SLCO1B1: variants seen among roughly 807,000 people sequenced by gnomAD.
The protein encoded by SLCO1B1 is OATP-2.
Under a neutral mutation model 70.1 loss-of-function variants are expected in SLCO1B1, and 81 were observed. The ratio of observed to expected loss-of-function variants is 1.16; its 90% confidence interval spans 0.97 to 1.39. SLCO1B1 has a LOEUF of 1.39. Among genes scored for constraint, SLCO1B1 ranks in the 40% most tolerant of loss-of-function variants. SLCO1B1 has a pLI of 0.00. For missense variants in SLCO1B1, 895 were observed against 799.6 expected (o/e 1.12, Z -1.44); for synonymous variants, 283 against 271.5 (o/e 1.04, Z -0.42).
chr12:21,215,426 G>T (rs10841756), intron 11 of SLCO1B1, among the ~76,000 whole-genome samples: 51,675 of 151,924 alleles, frequency 0.34, 9,124 homozygotes, highest in East Asian at 0.45. Flanking sequence ...TCTGCATCTG[G>T]TGAAATGCTC....
chr12:21,139,860 G>T (rs1410783344), intron 1 of SLCO1B1, among the ~76,000 whole-genome samples: 2 of 151,936 alleles, frequency 1.3e-5, no homozygotes, highest in Non-Finnish European at 2.9e-5. Flanking sequence ...TTTGTGTTTT[G>T]TGTTTCTGAG....
chr12:21,211,866 T>G (rs1261878191), intron 11 of SLCO1B1, among the ~76,000 whole-genome samples: 1 of 151,748 alleles, frequency 6.6e-6, no homozygotes, highest in East Asian at 1.9e-4. Context: ...TTTGTAGTAT[T>G]CTCTGATGGT....
intron 8 of SLCO1B1, among the ~76,000 whole-genome samples, chr12:21,198,220 A>G (rs1004802329): frequency 3.9e-5 from 6 of 152,132 alleles, no homozygotes; most frequent in Non-Finnish European, 7.4e-5. Flanking sequence ...GGCTCATAGC[A>G]GAGGACTGTT....
chr12:21,221,473 AAC>A (rs1482455083), intron 12 of SLCO1B1, among the ~76,000 whole-genome samples: 1 of 152,214 alleles, frequency 6.6e-6, no homozygotes, highest in Non-Finnish European at 1.5e-5. Context: ...CAACAGAGTA[AAC>A]AGACAACCTA....
chr12:21,158,962 TACA>T (rs1374191499), intron 2 of SLCO1B1, among the ~76,000 whole-genome samples: 2 of 152,198 alleles, frequency 1.3e-5, no homozygotes, highest in African/African-American at 2.4e-5. Context: ...AGCTATATTT[TACA>T]ACAATGTACA....
intron 7 of SLCO1B1, among the ~76,000 whole-genome samples, chr12:21,180,533 A>C (rs1940883056): frequency 6.6e-6 from 1 of 152,192 alleles, no homozygotes; most frequent in Non-Finnish European, 1.5e-5. Context: ...TTTGTGAATA[A>C]ATAAATATGA....
At chr12:21,214,296 T>C (rs1413866360) in intron 11 of SLCO1B1, among the ~76,000 whole-genome samples, 1 of 151,750 alleles carries the variant, frequency 6.6e-6, no homozygotes, top group African/African-American at 2.4e-5. Context: ...GACCCTCAGC[T>C]GCAGGTCTGT....
At chr12:21,150,782 C>G (rs144249889) in intron 2 of SLCO1B1, among the ~76,000 whole-genome samples, 20 of 152,226 alleles carry the variant, frequency 1.3e-4, no homozygotes, top group Non-Finnish European at 2.8e-4. Flanking sequence ...CCCAGAATGC[C>G]TCATCTCCTC....
At chr12:21,224,421 A>G (rs1941462200) in intron 13 of SLCO1B1, among the ~76,000 whole-genome samples, 1 of 152,168 alleles carries the variant, frequency 6.6e-6, no homozygotes, top group African/African-American at 2.4e-5. Flanking sequence ...AGTTTTACTA[A>G]CAACATTCTC....
At chr12:21,161,532 AAG>A (rs1940619631) in intron 2 of SLCO1B1, among the ~76,000 whole-genome samples, 1 of 152,028 alleles carries the variant, frequency 6.6e-6, no homozygotes, top group African/African-American at 2.4e-5. Flanking sequence ...GGAGGGTGGG[AAG>A]AGAGAGAGAA....
intron 7 of SLCO1B1, among the ~76,000 whole-genome samples, chr12:21,191,445 A>C (rs1300867712): frequency 6.6e-6 from 1 of 152,100 alleles, no homozygotes; most frequent in Non-Finnish European, 1.5e-5. Context: ...ATTCATAGAA[A>C]TATAAGTAAT....
At chr12:21,155,469 TTAAG>T (rs1940530747) in intron 2 of SLCO1B1, among the ~76,000 whole-genome samples, 1 of 152,198 alleles carries the variant, frequency 6.6e-6, no homozygotes, top group East Asian at 1.9e-4. Flanking sequence ...TAAACTCCTG[TTAAG>T]TGTTTTGTAA....
chr12:21,214,729 G>A (rs915182041), intron 11 of SLCO1B1, among the ~76,000 whole-genome samples: 1 of 152,172 alleles, frequency 6.6e-6, no homozygotes, highest in Non-Finnish European at 1.5e-5. Flanking sequence ...CATGGGCGTA[G>A]GACCCTCCAA....
chr12:21,178,897 T>C, intron 6 of SLCO1B1, 25 bp from the exon 7 acceptor site: 1 of 1,540,410 alleles, frequency 6.5e-7, no homozygotes, highest in Non-Finnish European at 9.0e-7. Context: ...TGGCATCTAG[T>C]AAAATTGCTT....
At chr12:21,137,694 G>C (rs1266178283) in intron 1 of SLCO1B1, among the ~76,000 whole-genome samples, 1 of 152,196 alleles carries the variant, frequency 6.6e-6, no homozygotes, top group African/African-American at 2.4e-5. Context: ...GAAAAGCACA[G>C]TATTAGGGTG....
At chr12:21,161,876 C>T (rs532938899) in intron 2 of SLCO1B1, among the ~76,000 whole-genome samples, 1 of 152,084 alleles carries the variant, frequency 6.6e-6, no homozygotes, top group East Asian at 1.9e-4. Context: ...GGTGTGATGG[C>T]ATGTGCCCAT....
At chr12:21,154,277 TAGTTCATG>T (rs2121065288) in intron 2 of SLCO1B1, among the ~76,000 whole-genome samples, 1 of 152,166 alleles carries the variant, frequency 6.6e-6, no homozygotes, top group African/African-American at 2.4e-5. Context: ...GGAAAGTGAT[TAGTTCATG>T]AAGGTAGAGT....
intron 7 of SLCO1B1, among the ~76,000 whole-genome samples, chr12:21,182,366 G>C (rs1211497919): frequency 6.6e-6 from 1 of 152,134 alleles, no homozygotes; most frequent in Non-Finnish European, 1.5e-5. Flanking sequence ...TTGAACCCAG[G>C]GGGTTTTGCA....
chr12:21,147,287 A>G (rs1158108317), intron 2 of SLCO1B1, among the ~76,000 whole-genome samples: 2 of 152,024 alleles, frequency 1.3e-5, no homozygotes, highest in Non-Finnish European at 2.9e-5. Context: ...CCACTTCTTT[A>G]CTTTTTTAAA....
Sources: gnomAD v4.1 joint callset for allele counts (sites outside exome capture counted in the v4.1 genomes callset) on GRCh38, gnomAD v4.1.1 for gene constraint, MANE v1.5 for transcripts, NCBI Gene and HGNC (gene_info 2026-07-23, HGNC 2026-07-21) for gene names.